The following ERG variants were observed in gnomAD, a reference collection of about 807,000 sequenced individuals.
ERG encodes ETS transcription factor ERG.
Under a neutral mutation model 55.3 loss-of-function variants are expected in ERG, and 9 were observed. The observed-to-expected ratio is 0.16, with a 90% CI of 0.10 to 0.28. The LOEUF (loss-of-function observed/expected upper bound fraction) is 0.28, where lower values mean the gene tolerates loss of function less well. Among genes scored for constraint, ERG ranks in the 10% least tolerant of loss-of-function variants. ERG has a pLI of 1.00. For missense variants in ERG, 434 were observed against 631.6 expected (o/e 0.69, Z 3.35); for synonymous variants, 223 against 237.3 (o/e 0.94, Z 0.55).
intron 3 of ERG, among the ~76,000 whole-genome samples, chr21:38,417,272 T>C (rs1989321684): frequency 6.6e-6 from 1 of 152,222 alleles, no homozygotes; most frequent in African/African-American, 2.4e-5. Flanking sequence ...ATTTTAAATC[T>C]CATTAGAGCT....
intron 3 of ERG, among the ~76,000 whole-genome samples, chr21:38,411,433 C>T (rs1243347605): frequency 3.3e-5 from 5 of 152,046 alleles, no homozygotes; most frequent in African/African-American, 9.7e-5. Context: ...CTCAGCCTCC[C>T]GAATAGGTGG....
downstream of ERG, among the ~76,000 whole-genome samples, chr21:38,379,207 G>A (rs1382642095): frequency 6.6e-6 from 1 of 152,198 alleles, no homozygotes; most frequent in Admixed American, 6.5e-5. Context: ...TCAGCCCCAT[G>A]GCATTTGGAG....
At chr21:38,599,481 T>TA (rs2060151446) in intron 1 of ERG, among the ~76,000 whole-genome samples, 1 of 152,190 alleles carries the variant, frequency 6.6e-6, no homozygotes, top group South Asian at 2.1e-4. Context: ...CAAATTATGA[T>TA]GCATGGCCAA....
At chr21:38,589,434 G>C (rs2060086650), upstream of ERG, among the ~76,000 whole-genome samples, 1 of 152,174 alleles carries the variant, frequency 6.6e-6, no homozygotes. Flanking sequence ...AATTTTGCTT[G>C]GGTGTTCTGC....
At position 38,654,966 on chromosome 21, in the gene ERG, T is replaced by C. The variant is rs191965524; in HGVS notation, c.-150+6692A>G. Among the ~76,000 whole-genome samples, 13 of 152,338 alleles carry C rather than the reference T, an allele frequency of 8.5e-5. No homozygotes were observed. The South Asian group carries it at 2.1e-3, about 24-fold the overall frequency. ...AGAATGTTTCTCAATTAGCACTTGG[T>C]TTCTTTTCAAAATGTTTTTACCTCA... is the stretch of plus-strand genomic sequence containing the variant. On this transcript the variant is annotated intron_variant, in intron 1 of 10. Coordinates refer to the ERG transcript ENST00000398910.
In ERG at chr21:38,554,921, A is replaced by G. The variant is rs551433411; in HGVS notation, c.-41+20741T>C. ...TAGATTTAATTAAAAATTAAACCAT[A>G]AAACACAGAAAGAAAATACAGATGA... On this transcript the variant is annotated intron_variant, in intron 2 of 8. Coordinates refer to the ERG transcript ENST00000398897. Among the ~76,000 whole-genome samples the G allele has an allele frequency of 2.0e-4, 30 of 152,336 alleles. No homozygotes were observed. The South Asian group carries it at 6.0e-3, about 30-fold the overall frequency.
At chr21:38,616,847 T>A (rs1343263892) in intron 1 of ERG, among the ~76,000 whole-genome samples, 1 of 152,150 alleles carries the variant, frequency 6.6e-6, no homozygotes, top group Non-Finnish European at 1.5e-5. Flanking sequence ...TTAAATACAG[T>A]TCAGTTTTGA....
At chr21:38,499,492 T>A (rs1463802035), upstream of ERG, among the ~76,000 whole-genome samples, 1 of 152,082 alleles carries the variant, frequency 6.6e-6, no homozygotes, top group African/African-American at 2.4e-5. Flanking sequence ...GCAGGACCCA[T>A]AAAGAGGTGT....
intron 6 of ERG, chr21:38,400,002 C>T (rs1267583274): frequency 1.4e-5 from 3 of 207,154 alleles, no homozygotes; most frequent in Non-Finnish European, 3.0e-5. Flanking sequence ...CTTACTGAAG[C>T]CTGGTTCATC....
rs562077808 is a variant in ERG, at chr21:38,605,329, A to G, written c.-149-20384T>C. Among the ~76,000 whole-genome samples the G allele has an allele frequency of 9.2e-5, 14 of 152,330 alleles. No individual in the cohort carries two copies. In the South Asian group the frequency reaches 2.1e-3, roughly 23 times the overall value. On this transcript the variant is annotated intron_variant, in intron 1 of 10. Transcript: ENST00000398910. ...GCCCATGCTGTTCCTGGACTTCACT[A>G]GAAGTACAATAAATAATCTTCATAA...
chr21:38,428,364 C>T (rs1162048530), intron 2 of ERG, among the ~76,000 whole-genome samples: 7 of 152,122 alleles, frequency 4.6e-5, no homozygotes, highest in Non-Finnish European at 2.9e-5. Context: ...CCAGGCATTC[C>T]GAGGCTCACA....
At chr21:38,395,641 T>C (rs35609806) in intron 6 of ERG, 2,778 of 178,962 alleles carry the variant, frequency 0.016, 39 homozygotes, top group South Asian at 0.066. Context: ...TGAACACAGA[T>C]GTACATTACA....
intron 1 of ERG, among the ~76,000 whole-genome samples, chr21:38,462,024 C>T (rs1316619551): frequency 1.3e-5 from 2 of 151,988 alleles, no homozygotes; most frequent in Non-Finnish European, 2.9e-5. Flanking sequence ...CCCTGTTGCC[C>T]AGGCTGGAAT....
intron 1 of ERG, among the ~76,000 whole-genome samples, chr21:38,452,769 G>A (rs1265953747): frequency 3.9e-5 from 6 of 152,274 alleles, no homozygotes; most frequent in Non-Finnish European, 5.9e-5. Context: ...CAATTTTCCC[G>A]GCTCTGGACT....
intron 1 of ERG, among the ~76,000 whole-genome samples, chr21:38,601,417 G>C (rs146127495): frequency 6.6e-6 from 1 of 151,798 alleles, no homozygotes; most frequent in East Asian, 1.9e-4. Flanking sequence ...TCATAGACAT[G>C]CTCACTAAGA....
intron 2 of ERG, among the ~76,000 whole-genome samples, chr21:38,519,525 C>T (rs1196997146): frequency 6.6e-6 from 1 of 152,194 alleles, no homozygotes; most frequent in Non-Finnish European, 1.5e-5. Flanking sequence ...TCTCCTCCTA[C>T]TCTCAGGCTT....
chr21:38,456,710 G>T (rs1478494708), intron 1 of ERG, among the ~76,000 whole-genome samples: 1 of 152,188 alleles, frequency 6.6e-6, no homozygotes, highest in East Asian at 1.9e-4. Context: ...CACTGTGAGG[G>T]TCCAATCCCT....
At chr21:38,495,941 T>C (rs2059375766) in intron 1 of ERG, among the ~76,000 whole-genome samples, 1 of 152,188 alleles carries the variant, frequency 6.6e-6, no homozygotes, top group Non-Finnish European at 1.5e-5. Flanking sequence ...AACCAATCAG[T>C]GAATTGTCTG....
intron 2 of ERG, among the ~76,000 whole-genome samples, chr21:38,537,915 T>C (rs567490637): frequency 1.4e-4 from 22 of 152,326 alleles, no homozygotes; most frequent in Non-Finnish European, 2.4e-4. Flanking sequence ...CATCCACAGA[T>C]GAGTGGATAA....
Sources: gnomAD v4.1 joint callset for allele counts (sites outside exome capture counted in the v4.1 genomes callset) on GRCh38, gnomAD v4.1.1 for gene constraint, MANE v1.5 for transcripts, NCBI Gene and HGNC (gene_info 2026-07-23, HGNC 2026-07-21) for gene names.